Variants in RNF141 observed in about 807,000 individuals in gnomAD.
The protein encoded by RNF141 is C3HC4-like zinc finger protein.
In RNF141, 18 loss-of-function variants were observed where a neutral mutation model predicts 27.4. That is an observed-to-expected ratio of 0.66 (90% CI 0.45 to 0.97). The LOEUF is 0.97. RNF141 is among the 50% of genes least tolerant of loss of function. RNF141 has a pLI of 0.00. For missense variants in RNF141, 230 were observed against 279.4 expected (o/e 0.82, Z 1.26); for synonymous variants, 97 against 96.6 (o/e 1.00, Z -0.02).
intron 3 of RNF141, among the ~76,000 whole-genome samples, chr11:10,530,272 T>C (rs964736131): frequency 4.6e-5 from 7 of 152,188 alleles, no homozygotes; most frequent in Admixed American, 4.6e-4. Context: ...TGAATGAATG[T>C]ATTCTTAAAA....
intron 3 of RNF141, among the ~76,000 whole-genome samples, chr11:10,530,148 CAGT>C (rs1170511746): frequency 2.6e-5 from 4 of 152,152 alleles, no homozygotes; most frequent in Admixed American, 1.3e-4. Context: ...TGAATCTACT[CAGT>C]GGTGGTTGAG....
rs79381197 is a variant in RNF141, at chr11:10,536,880, T to C, written c.-47-2675A>G. 3.9e-3 allele frequency among the ~76,000 whole-genome samples: 591 copies of C among 152,330 alleles called. 4 individuals are homozygous for C. Among genetic ancestry groups the C allele is most frequent in the African/African-American group, 0.014 (564 of 41,572 alleles). On this transcript the variant is annotated intron_variant, in intron 1 of 5. Coordinates refer to ENST00000265981, the MANE Select transcript of RNF141 (RefSeq NM_016422.4). The stretch of plus-strand genomic sequence containing the variant: ...TTGAGCAAGCAGCCTACTAGTCCAT[T>C]ATGCTTTGCAATGGTTAGGCCACAC...
At chr11:10,527,205 A>G (rs943589031) in intron 3 of RNF141, among the ~76,000 whole-genome samples, 7 of 152,200 alleles carry the variant, frequency 4.6e-5, no homozygotes, top group African/African-American at 7.2e-5. Context: ...AGTGTGTATA[A>G]AACAAAATCC....
chr11:10,530,369 A>G (rs1453215051), intron 3 of RNF141, among the ~76,000 whole-genome samples: 2 of 152,208 alleles, frequency 1.3e-5, no homozygotes, highest in Admixed American at 1.3e-4. Flanking sequence ...GCCAGCTAAA[A>G]ACCCAAAAAC....
intron 1 of RNF141, among the ~76,000 whole-genome samples, chr11:10,536,074 T>C (rs899398030): frequency 2.0e-5 from 3 of 152,100 alleles, no homozygotes; most frequent in African/African-American, 7.2e-5. Context: ...CAAATAAATG[T>C]ATAATTACAA....
At chr11:10,539,697 T>TAC in intron 1 of RNF141, among the ~76,000 whole-genome samples, 1 of 104,960 alleles carries the variant, frequency 9.5e-6, no homozygotes. Context: ...CATACATATA[T>TAC]ATTAGAGAGA....
chr11:10,514,910 T>A lies in RNF141; in HGVS notation c.*6A>T. The A allele has an allele frequency of 6.2e-7, 1 of 1,605,496 alleles. No individual in the cohort carries two copies. Among genetic ancestry groups the A allele is most frequent in the Non-Finnish European group, 8.5e-7 (1 of 1,176,308 alleles). Reference sequence around the variant, plus strand: ...ACAATAGCAACAGAAGACTTTCACTTCAAGGTCATGGCCTGTGGGGCTGGC... The same window carrying A: ...ACAATAGCAACAGAAGACTTTCACTACAAGGTCATGGCCTGTGGGGCTGGC... On this transcript the variant is annotated 3_prime_UTR_variant, in exon 6 of 6. Transcript: ENST00000265981.
chr11:10,534,172 C>T lies in RNF141; in HGVS notation c.-14G>A. The T allele has an allele frequency of 6.2e-7, 1 of 1,610,518 alleles. No individual in the cohort carries two copies. The highest frequency in any genetic ancestry group is 8.5e-7 in the Non-Finnish European group (1 of 1,178,308). On this transcript the variant is annotated 5_prime_UTR_variant, in exon 2 of 6. Coordinates refer to ENST00000265981, the MANE Select transcript of RNF141 (RefSeq NM_016422.4). Reference sequence around the variant, plus strand: ...TTGCTGTCCCATGATGAAAAGATGTCTTTCAAAATCCAGAGTGTTGCTTCA... The same window carrying T: ...TTGCTGTCCCATGATGAAAAGATGTTTTTCAAAATCCAGAGTGTTGCTTCA...
rs1373895252 is a variant in RNF141, at chr11:10,525,338, C to T, written c.288G>A (p.Arg96=). 1.9e-6 allele frequency: 3 copies of T among 1,603,528 alleles called. No individual in the cohort carries two copies. Among genetic ancestry groups the T allele is most frequent in the Non-Finnish European group, 2.6e-6 (3 of 1,175,098 alleles). ...NKSSGIVEAS[R]IMNLYQFIQL... is the part of the protein sequence containing the mutation. ...GAATAAACTGGTATAAATTCATGATCCGTGATGCCTCCACAATGCCACTGC... is the reference window on the plus strand; with the variant it reads ...GAATAAACTGGTATAAATTCATGATTCGTGATGCCTCCACAATGCCACTGC... The change falls in exon 4 of 6, where the codon CGG becomes CGA. Residue 96 remains arginine (R), a synonymous_variant. Coordinates refer to ENST00000265981, the MANE Select transcript of RNF141 (RefSeq NM_016422.4).
intron 5 of RNF141, chr11:10,515,934 A>G (rs1849839863): frequency 6.6e-6 from 1 of 152,124 alleles, no homozygotes; most frequent in Non-Finnish European, 1.5e-5. Flanking sequence ...TTCGAAAAGG[A>G]TTTTTTTCTG....
chr11:10,526,781 CAAA>C (rs762457068), intron 3 of RNF141, among the ~76,000 whole-genome samples: 5 of 80,596 alleles, frequency 6.2e-5, no homozygotes, highest in Non-Finnish European at 5.2e-5. Flanking sequence ...GACTACGTCT[CAAA>C]AAAAAAAAAA....
At chr11:10,515,540 T>C (rs904802628) in intron 5 of RNF141, 1 of 152,336 alleles carries the variant, frequency 6.6e-6, no homozygotes, top group Non-Finnish European at 1.5e-5. Flanking sequence ...AGTATTCCTT[T>C]ATAATAAAAA....
intron 1 of RNF141, among the ~76,000 whole-genome samples, chr11:10,536,527 T>C (rs2133976863): frequency 6.6e-6 from 1 of 152,340 alleles, no homozygotes; most frequent in South Asian, 2.1e-4. Flanking sequence ...TTAATATGAC[T>C]AAAAGTTATA....
chr11:10,525,052 A>G, intron 4 of RNF141, 140 bp downstream of exon 4: 1 of 597,544 alleles, frequency 1.7e-6, no homozygotes, highest in South Asian at 3.6e-5. Context: ...AATAACCCCA[A>G]AACTGATCTC....
intron 1 of RNF141, among the ~76,000 whole-genome samples, chr11:10,535,748 G>A (rs893651862): frequency 1.2e-4 from 19 of 152,188 alleles, no homozygotes; most frequent in East Asian, 3.9e-4. Context: ...TGAAAAGTAG[G>A]ATATAATATT....
At chr11:10,528,048 CTT>C (rs1300028735) in intron 3 of RNF141, among the ~76,000 whole-genome samples, 1 of 152,112 alleles carries the variant, frequency 6.6e-6, no homozygotes, top group Non-Finnish European at 1.5e-5. Flanking sequence ...TAATTAATCT[CTT>C]ATTTTTCTAA....
chr11:10,515,923 T>G (rs1849839745), intron 5 of RNF141: 1 of 152,228 alleles, frequency 6.6e-6, no homozygotes, highest in Admixed American at 6.5e-5. Flanking sequence ...AAGATTATGT[T>G]TTCGAAAAGG....
chr11:10,536,729 G>A (rs939186600), intron 1 of RNF141, among the ~76,000 whole-genome samples: 5 of 152,184 alleles, frequency 3.3e-5, no homozygotes, highest in Non-Finnish European at 5.9e-5. Flanking sequence ...CTCCCAGGCC[G>A]AGGATTACAG....
chr11:10,538,669 A>G (rs1057068169), intron 1 of RNF141, among the ~76,000 whole-genome samples: 7 of 152,212 alleles, frequency 4.6e-5, no homozygotes, highest in Admixed American at 3.9e-4. Context: ...TACCATTGGC[A>G]GTTTTTGTTT....
Sources: allele counts gnomAD v4.1 joint callset (sites outside exome capture counted in the v4.1 genomes callset), GRCh38; gene constraint gnomAD v4.1.1; transcripts MANE v1.5; gene names NCBI Gene and HGNC (gene_info 2026-07-23, HGNC 2026-07-21).